Variants in ABCG1 observed in about 807,000 individuals in gnomAD.
The protein encoded by ABCG1 is ATP-binding cassette sub-family G member 1.
Under a neutral mutation model 69.2 loss-of-function variants are expected in ABCG1, and 29 were observed. The ratio of observed to expected loss-of-function variants is 0.42; its 90% CI spans 0.31 to 0.57. The LOEUF is 0.57. Among genes scored for constraint, ABCG1 ranks in the 20% least tolerant of loss-of-function variants. The probability of loss-of-function intolerance (pLI) is 0.15; values close to 1 mark genes in which losing one functional copy is unlikely to be tolerated. For synonymous variants in ABCG1, 370 were observed against 374.8 expected (o/e 0.99, Z 0.15); for missense variants, 718 against 898.1 (o/e 0.80, Z 2.56).
intron 2 of ABCG1, among the ~76,000 whole-genome samples, chr21:42,203,707 G>A (rs1005034342): frequency 4.6e-5 from 7 of 152,150 alleles, no homozygotes; most frequent in African/African-American, 1.4e-4. Context: ...TTTATTCTTT[G>A]TTTTCAAAAT....
intron 2 of ABCG1, among the ~76,000 whole-genome samples, chr21:42,238,515 A>G (rs2068007508): frequency 6.6e-6 from 1 of 152,214 alleles, no homozygotes; most frequent in African/African-American, 2.4e-5. Context: ...TGTACAAGAC[A>G]GGTAACAGTC....
chr21:42,225,964 G>T (rs757928879), intron 2 of ABCG1, 50 bp downstream of exon 2: 54 of 1,588,126 alleles, frequency 3.4e-5, no homozygotes, highest in Non-Finnish European at 4.1e-5. Flanking sequence ...GCCTCTGAAG[G>T]AGGCAACAGG....
chr21:42,270,259 C>CAAAAAAAA (rs4006345), intron 2 of ABCG1, among the ~76,000 whole-genome samples: 7 of 87,168 alleles, frequency 8.0e-5, no homozygotes, highest in African/African-American at 2.9e-4. Context: ...GACTCAGTCT[C>CAAAAAAAA]AAAAAAAAAA....
At chr21:42,250,409 C>T (rs879793339) in intron 2 of ABCG1, among the ~76,000 whole-genome samples, 16 of 152,284 alleles carry the variant, frequency 1.1e-4, no homozygotes, top group Non-Finnish European at 7.4e-5. Context: ...TTTGGTTTCC[C>T]GTGGGTGCTC....
At position 42,294,583 on chromosome 21, in the gene ABCG1, C is replaced by T; in HGVS notation, c.1695C>T (p.Leu565=). The part of the protein sequence containing the change: ...FVGPVTAIPV[L]LFSGFFVSFD... ...GCCCAGTGACAGCCATCCCGGTGCT[C>T]CTGTTCTCGGGGTTCTTCGTCAGCT... The change falls in exon 14 of 15, where the codon CTC becomes CTT. Residue 565 remains leucine, a synonymous_variant. Coordinates refer to ENST00000398449, the MANE Select transcript of ABCG1 (RefSeq NM_016818.3). 9 of 1,614,208 alleles carry T rather than the reference C, an allele frequency of 5.6e-6. No homozygotes were observed. The highest frequency in any genetic ancestry group is 7.6e-6 in the Non-Finnish European group (9 of 1,180,026).
chr21:42,285,673 G>A (rs963437998), intron 7 of ABCG1, among the ~76,000 whole-genome samples: 8 of 152,246 alleles, frequency 5.3e-5, no homozygotes, highest in African/African-American at 9.6e-5. Context: ...CTGGCCGTGC[G>A]ATATTCTTCC....
intron 2 of ABCG1, among the ~76,000 whole-genome samples, chr21:42,236,952 C>T (rs143651741): frequency 6.6e-6 from 1 of 152,324 alleles, no homozygotes; most frequent in East Asian, 1.9e-4. Context: ...CTGCAGGTTT[C>T]CTGTTTCTGA....
In ABCG1 at chr21:42,273,171, C is replaced by T. The variant is rs962640346; in HGVS notation, c.405-132C>T. The stretch of plus-strand genomic sequence containing the variant: ...CCGGTCCCTTTCTGCCCCTCGGGGT[C>T]CCCGTGGCCAGTGGTTCAGCTGGGA... On this transcript the variant is annotated intron_variant, in intron 3 of 14. Coordinates refer to ENST00000398449, the MANE Select transcript of ABCG1 (RefSeq NM_016818.3). This position sits in a 1 kb window ranked among gnomAD's most constrained non-coding sequence, Gnocchi z 5.3. 5.7e-5 allele frequency: 73 copies of T among 1,271,734 alleles called. No homozygotes were observed. Among genetic ancestry groups the T allele is most frequent in the Non-Finnish European group, 7.0e-5 (65 of 926,812 alleles). 78.8% of individuals were successfully genotyped at this position (1,271,734 alleles called of 1,614,324 possible). A position where few individuals can be genotyped will look rare whatever the true frequency, so the allele number is the denominator to read the frequency against.
In ABCG1 at chr21:42,282,319, A is replaced by G; in HGVS notation, c.634A>G (p.Thr212Ala). Residue 212 changes from threonine to alanine, a missense_variant, in exon 6 of 15, where the codon ACG becomes GCG. Physicochemically the swap from Thr to Ala is moderately conservative, Grantham distance 58. Transcript: ENST00000398449. ...TALGLLSCAN[T>A]RTGSLSGGQR... The stretch of plus-strand genomic sequence containing the variant: ...GCTGGGCTTGCTGTCTTGCGCCAAC[A>G]CGCGGACCGGGAGCCTGTCAGGTGG... 1 of 1,613,252 alleles carries G rather than the reference A, an allele frequency of 6.2e-7. No homozygotes were observed. The highest frequency in any genetic ancestry group is 8.5e-7 in the Non-Finnish European group (1 of 1,180,014).
chr21:42,292,871 C>CGG (rs2069097081), intron 13 of ABCG1, among the ~76,000 whole-genome samples: 1 of 147,104 alleles, frequency 6.8e-6, no homozygotes, highest in Admixed American at 6.8e-5. Context: ...ACACTACACA[C>CGG]TACCCACCAC....
At chr21:42,214,545 C>T (rs1017703530), upstream of ABCG1, among the ~76,000 whole-genome samples, 7 of 152,234 alleles carry the variant, frequency 4.6e-5, no homozygotes, top group African/African-American at 1.7e-4. Flanking sequence ...AAGCTCGCCA[C>T]AGGGATGCGT....
intron 2 of ABCG1, among the ~76,000 whole-genome samples, chr21:42,234,690 C>G (rs938249685): frequency 6.6e-6 from 1 of 152,228 alleles, no homozygotes; most frequent in Non-Finnish European, 1.5e-5. Context: ...TAAAAAAGCC[C>G]GTCCTTTCTC....
chr21:42,290,286 T>C (rs1041537662), intron 11 of ABCG1, 68 bp downstream of exon 11: 34 of 1,539,356 alleles, frequency 2.2e-5, no homozygotes, highest in Non-Finnish European at 2.8e-5. Flanking sequence ...GGGCCTGAAG[T>C]CACGCCTTGA....
chr21:42,207,927 G>A (rs910929169), intron 2 of ABCG1, among the ~76,000 whole-genome samples: 2 of 152,204 alleles, frequency 1.3e-5, no homozygotes, highest in Admixed American at 6.5e-5. Context: ...CAAGGTGGAC[G>A]AGGAGCTTCT....
intron 2 of ABCG1, among the ~76,000 whole-genome samples, chr21:42,243,814 CTTTT>C (rs11402831): frequency 1.1e-5 from 1 of 94,210 alleles, no homozygotes; most frequent in African/African-American, 4.4e-5. Context: ...TTATCTTTGG[CTTTT>C]TTTTTTTTTT....
rs150419059 is a variant in ABCG1, at chr21:42,230,060, T to C, written c.286+4146T>C. ...ATTTTAAAGAAGGAGAACTTCACAA[T>C]CCTTACAAGAAAGGCGATGCGGGAA... On this transcript the variant is annotated intron_variant, in intron 2 of 14. Coordinates refer to ENST00000398449, the MANE Select transcript of ABCG1 (RefSeq NM_016818.3). Among the ~76,000 whole-genome samples, 202 of 152,332 alleles carry C rather than the reference T, an allele frequency of 1.3e-3. 1 individual carries two copies. The highest frequency in any genetic ancestry group is 4.7e-3 in the African/African-American group (195 of 41,570).
chr21:42,273,486 C>T lies in ABCG1; in HGVS notation c.537+51C>T, dbSNP rs372998791. 89 of 1,585,954 alleles carry T rather than the reference C, an allele frequency of 5.6e-5. No homozygotes were observed. The African/African-American group carries it at 9.9e-4, about 18-fold the overall frequency. ...CTCCGCCCCTGCCGCCTGTCCCCAG[C>T]GCCCACATTAGACACAGCACTGGCC... On this transcript the variant is annotated intron_variant, in intron 4 of 14. Coordinates refer to ENST00000398449, the MANE Select transcript of ABCG1 (RefSeq NM_016818.3). The surrounding 1 kb of genome is among the most constrained non-coding windows in gnomAD (Gnocchi z 5.3).
chr21:42,268,661 G>A (rs1434754989), intron 2 of ABCG1, among the ~76,000 whole-genome samples: 1 of 152,174 alleles, frequency 6.6e-6, no homozygotes, highest in Non-Finnish European at 1.5e-5. Context: ...CCCTGAATTG[G>A]GTTTTGTGTC....
At chr21:42,286,275 C>G (rs2068938707) in intron 8 of ABCG1, 9 of 387,156 alleles carry the variant, frequency 2.3e-5, no homozygotes, top group Non-Finnish European at 4.2e-5. Flanking sequence ...AGGGCCCACC[C>G]TAAGTCCAGG....
Sources: allele counts gnomAD v4.1 joint callset (sites outside exome capture counted in the v4.1 genomes callset), GRCh38; gene constraint gnomAD v4.1.1; non-coding constraint Gnocchi (gnomAD v3.1); transcripts MANE v1.5; gene names NCBI Gene and HGNC (gene_info 2026-07-23, HGNC 2026-07-21).